Variants in ZXDC observed in about 807,000 individuals in gnomAD.
ZXDC encodes zinc finger protein ZXDC.
A neutral mutation model predicts 63.6 loss-of-function variants in ZXDC; 58 were observed. The observed-to-expected ratio is 0.91, with a 90% CI of 0.74 to 1.13. ZXDC has a LOEUF of 1.13. ZXDC is among the 50% of genes most tolerant of loss of function. ZXDC has a pLI of 0.00. For synonymous variants in ZXDC, 561 were observed against 496.1 expected (o/e 1.13, Z -1.74); for missense variants, 1,133 against 1,148.9 (o/e 0.99, Z 0.20).
At chr3:126,451,958 C>T in intron 7 of ZXDC, 6 of 985,380 alleles carry the variant, frequency 6.1e-6, no homozygotes, top group Non-Finnish European at 7.2e-6. Flanking sequence ...GGGCAGGCTG[C>T]CCCCACAGCT....
chr3:126,441,728 C>G (rs1345034397), intron 8 of ZXDC, 37 bp downstream of exon 8: 1 of 1,530,764 alleles, frequency 6.5e-7, no homozygotes, highest in South Asian at 1.3e-5. Flanking sequence ...CCTCCCACCC[C>G]GCCTACAGCT....
intron 4 of ZXDC, among the ~76,000 whole-genome samples, chr3:126,466,713 G>A (rs1365448614): frequency 6.6e-6 from 1 of 152,090 alleles, no homozygotes; most frequent in Non-Finnish European, 1.5e-5. Flanking sequence ...CATAAAAAAT[G>A]TAATCCTAGG....
At chr3:126,439,521 C>T in intron 9 of ZXDC, 111 bp downstream of exon 9, 1 of 1,538,650 alleles carries the variant, frequency 6.5e-7, no homozygotes, top group Non-Finnish European at 8.8e-7. Context: ...ACTGAGCCTC[C>T]CAAGCCACGC....
intron 8 of ZXDC, chr3:126,441,453 T>C (rs1332458210): frequency 1.7e-6 from 2 of 1,160,318 alleles, no homozygotes; most frequent in Non-Finnish European, 2.1e-6. Flanking sequence ...AAAACAGCCC[T>C]GGGGGCCTCG....
At chr3:126,443,715 T>C (rs1022852565) in intron 7 of ZXDC, among the ~76,000 whole-genome samples, 1 of 152,264 alleles carries the variant, frequency 6.6e-6, no homozygotes, top group Non-Finnish European at 1.5e-5. Flanking sequence ...TGCATTTCTA[T>C]GCTTTCAAGT....
At chr3:126,455,515 C>G (rs991788401) in intron 7 of ZXDC, among the ~76,000 whole-genome samples, 14 of 151,986 alleles carry the variant, frequency 9.2e-5, no homozygotes, top group African/African-American at 3.4e-4. Flanking sequence ...AGGGCAGGGA[C>G]AGGGATAATA....
In ZXDC at chr3:126,461,909, C is replaced by G. The variant is rs745520344; in HGVS notation, c.1753G>C (p.Gly585Arg). ...TGCTGCAGAACCGTGGCTGCTGTCC[C>G]GAGAACCAGAGGGCTGTCCAGGCTT... The part of the protein sequence containing the change: ...PPSLDSPLVL[G>R]TAATVLQQGS... Residue 585 changes from glycine to arginine, a missense_variant, in exon 6 of 10, where the codon GGG (glycine) becomes CGG (arginine). By Grantham distance (125) the Gly-to-Arg change is moderately radical. Coordinates refer to ENST00000389709, the MANE Select transcript of ZXDC (RefSeq NM_025112.5). 1 of 1,614,182 alleles carries G rather than the reference C, an allele frequency of 6.2e-7. No individual in the cohort carries two copies. Among genetic ancestry groups the G allele is most frequent in the South Asian group, 1.1e-5 (1 of 91,068 alleles).
intron 7 of ZXDC, among the ~76,000 whole-genome samples, chr3:126,445,123 G>A (rs904463780): frequency 2.0e-5 from 3 of 152,204 alleles, no homozygotes; most frequent in Non-Finnish European, 1.5e-5. Flanking sequence ...CAGTTACACT[G>A]AGAAGAAACA....
At chr3:126,458,847 A>G (rs1934410346) in intron 7 of ZXDC, 1 of 985,322 alleles carries the variant, frequency 1.0e-6, no homozygotes, top group Non-Finnish European at 1.2e-6. Flanking sequence ...TTCCTAAGTC[A>G]CAATTCACAC....
intron 7 of ZXDC, among the ~76,000 whole-genome samples, chr3:126,447,037 A>G (rs1336239732): frequency 6.6e-6 from 1 of 152,228 alleles, no homozygotes; most frequent in Non-Finnish European, 1.5e-5. Context: ...TGCTCACACG[A>G]CAGGTCCTTT....
Position 126,472,272 on chromosome 3 carries a change from A to G in ZXDC, c.941T>C (p.Leu314Pro). Residue 314 changes from leucine (L) to proline (P), a missense_variant, in exon 2 of 10, where the codon CTG becomes CCG. Leu to Pro is a moderately conservative substitution (Grantham distance 98). Coordinates refer to ENST00000389709, the MANE Select transcript of ZXDC (RefSeq NM_025112.5). Reference protein sequence around the residue: ...CEKTFITVSALFSHNRAHFRE... With the variant: ...CEKTFITVSAPFSHNRAHFRE... Reference sequence around the variant, plus strand: ...GAAGTGGGCTCGGTTATGGGAAAACAGGGCACTCACTGTGATAAATGTCTT... The same window carrying G: ...GAAGTGGGCTCGGTTATGGGAAAACGGGGCACTCACTGTGATAAATGTCTT... The G allele has an allele frequency of 6.2e-7, 1 of 1,612,420 alleles. No homozygotes were observed. Among genetic ancestry groups the G allele is most frequent in the Non-Finnish European group, 8.5e-7 (1 of 1,178,520 alleles).
chr3:126,462,888 C>T (rs1426002520), intron 5 of ZXDC, among the ~76,000 whole-genome samples: 2 of 152,106 alleles, frequency 1.3e-5, no homozygotes, highest in Non-Finnish European at 2.9e-5. Context: ...ATGCTGGGGG[C>T]CCCCTAGACG....
chr3:126,445,830 C>T (rs999899963), intron 7 of ZXDC, among the ~76,000 whole-genome samples: 1 of 152,006 alleles, frequency 6.6e-6, no homozygotes, highest in African/African-American at 2.4e-5. Flanking sequence ...GAATCCCTGA[C>T]GGTACACCCT....
In ZXDC at chr3:126,461,534, C is replaced by A. The variant is rs376572845; in HGVS notation, c.2127+1G>T. 1 of 1,605,006 alleles carries A rather than the reference C, an allele frequency of 6.2e-7. No individual in the cohort carries two copies. Among genetic ancestry groups the A allele is most frequent in the African/African-American group, 1.3e-5 (1 of 74,740 alleles). On this transcript the variant is annotated splice_donor_variant, in intron 6 of 9. Coordinates refer to ENST00000389709, the MANE Select transcript of ZXDC (RefSeq NM_025112.5). LOFTEE classifies it high-confidence loss of function. Reference sequence around the variant, plus strand: ...TGGTGACTGAATAGAGTGCTTCATACCAAATAGAAGTTGCCAGTGCCTGCA... The same window carrying A: ...TGGTGACTGAATAGAGTGCTTCATAACAAATAGAAGTTGCCAGTGCCTGCA...
intron 7 of ZXDC, chr3:126,454,640 C>A: frequency 2.0e-6 from 2 of 985,424 alleles, no homozygotes; most frequent in Non-Finnish European, 2.4e-6. Flanking sequence ...CACTGTGACA[C>A]AGGATACCCT....
chr3:126,460,354 G>T, intron 6 of ZXDC: 2 of 602,460 alleles, frequency 3.3e-6, no homozygotes, highest in Non-Finnish European at 4.2e-6. Context: ...AAAAAGAGCA[G>T]CCCTCAAAGC....
intron 7 of ZXDC, chr3:126,454,724 T>C: frequency 1.0e-6 from 1 of 985,450 alleles, no homozygotes; most frequent in Non-Finnish European, 1.2e-6. Flanking sequence ...TTCTCTGCCC[T>C]TAGACAGCAG....
At chr3:126,439,945 CT>C in intron 8 of ZXDC, 1 of 1,403,636 alleles carries the variant, frequency 7.1e-7, no homozygotes, top group Non-Finnish European at 9.2e-7. Context: ...ATCCCAGCAG[CT>C]TTTGCTGGGC....
At chr3:126,471,414 C>T (rs1195570868) in intron 3 of ZXDC, among the ~76,000 whole-genome samples, 1 of 152,166 alleles carries the variant, frequency 6.6e-6, no homozygotes, top group Non-Finnish European at 1.5e-5. Context: ...GCTGCAATGC[C>T]AAAAGGACTC....
Sources: allele counts gnomAD v4.1 joint callset (sites outside exome capture counted in the v4.1 genomes callset), GRCh38; gene constraint gnomAD v4.1.1; transcripts MANE v1.5; gene names NCBI Gene and HGNC (gene_info 2026-07-23, HGNC 2026-07-21).